SNED1: variants seen among roughly 807,000 people sequenced by gnomAD.
The protein encoded by SNED1 is sushi, nidogen and EGF-like domain-containing protein 1.
In SNED1, 81 loss-of-function variants were observed where a neutral mutation model predicts 166.7. The observed-to-expected ratio is 0.49, with a 90% CI of 0.41 to 0.58. The LOEUF is 0.58. Ranked by LOEUF, SNED1 falls within the 20% of genes least tolerant of loss-of-function variation. SNED1 has a pLI of 0.00. For missense variants in SNED1, 1,604 were observed against 2,000.2 expected, an observed-to-expected ratio of 0.80 and a Z score of 3.78; for synonymous variants, 762 against 822.0, an observed-to-expected ratio of 0.93 and a Z score of 1.25.
intron 24 of SNED1, 140 bp downstream of exon 24, chr2:241,070,341 T>G: frequency 1.1e-6 from 1 of 937,436 alleles, no homozygotes; most frequent in South Asian, 1.7e-5. Context: ...AGGGGAGGAG[T>G]CTGTGTATGA....
At chr2:241,032,505 G>A (rs1403913304) in intron 2 of SNED1, among the ~76,000 whole-genome samples, 1 of 151,532 alleles carries the variant, frequency 6.6e-6, no homozygotes. Flanking sequence ...GGTCGGGGGA[G>A]GGATAGCATT....
intron 29 of SNED1, 41 bp downstream of exon 29, chr2:241,082,405 G>A: frequency 1.2e-5 from 19 of 1,524,042 alleles, no homozygotes; most frequent in Non-Finnish European, 1.4e-5. Context: ...CATTTGTCGT[G>A]TGTTCTTGAC....
chr2:241,077,527 A>G (rs1424348476), intron 27 of SNED1, among the ~76,000 whole-genome samples: 1 of 152,126 alleles, frequency 6.6e-6, no homozygotes, highest in Non-Finnish European at 1.5e-5. Flanking sequence ...CTGATCAGAG[A>G]CCCGCGTCTA....
At position 241,049,863 on chromosome 2, in the gene SNED1, C is replaced by T. The variant is rs528307051; in HGVS notation, c.1665C>T (p.Ser555=). The change falls in exon 12 of 32, where the codon TCC becomes TCT. Residue 555 remains serine (S), a synonymous_variant. Coordinates refer to ENST00000310397, the MANE Select transcript of SNED1 (RefSeq NM_001080437.3). ...CDSDPCFNGG[S]CDAHDDSYTC... ...CGGACCCCTGCTTCAACGGAGGCTC[C>T]TGCGATGCCCATGACGACTCCTACA... 8.1e-5 allele frequency: 130 copies of T among 1,613,894 alleles called. 2 individuals are homozygous for T. In the South Asian group the frequency reaches 1.2e-3, roughly 15 times the overall value.
intron 17 of SNED1, chr2:241,063,290 G>T (rs1575027548): frequency 2.0e-6 from 1 of 504,270 alleles, no homozygotes; most frequent in Admixed American, 3.2e-5. Flanking sequence ...CAGGCTCCAG[G>T]GAGGGCAAGG....
intron 27 of SNED1, chr2:241,074,162 C>G (rs2062892419): frequency 1.3e-5 from 2 of 152,290 alleles, no homozygotes; most frequent in African/African-American, 4.8e-5. Flanking sequence ...AAGGTGTGAG[C>G]TGCTGAGCGT....
At chr2:241,028,507 G>A (rs780872491) in intron 1 of SNED1, among the ~76,000 whole-genome samples, 3 of 152,132 alleles carry the variant, frequency 2.0e-5, no homozygotes, top group Non-Finnish European at 2.9e-5. Flanking sequence ...TTTTGTATGT[G>A]GATGTCCAGT....
Position 241,071,716 on chromosome 2 carries a change from C to G in SNED1, c.3730C>G (p.Pro1244Ala), listed in dbSNP as rs1251753615. 2 of 1,506,816 alleles carry G rather than the reference C, an allele frequency of 1.3e-6. No homozygotes were observed. Among genetic ancestry groups the G allele is most frequent in the East Asian group, 2.5e-5 (1 of 40,260 alleles). 93.3% of individuals were successfully genotyped at this position (1,506,816 alleles called of 1,614,324 possible). A position where few individuals can be genotyped will look rare whatever the true frequency, so the allele number is the denominator to read the frequency against. Reference sequence around the variant, plus strand: ...CGCCCCCGAGACCCCCACCCAGCCCCCCAGGTACATGCCCCACCCATCGGC... The same window carrying G: ...CGCCCCCGAGACCCCCACCCAGCCCGCCAGGTACATGCCCCACCCATCGGC... The part of the protein sequence containing the change: ...HSAPETPTQP[P>A]RFSELVDGRG... The change falls in exon 25 of 32, where the codon CCC (proline) becomes GCC (alanine). Residue 1244 changes from proline (P) to alanine (A), a missense_variant. By Grantham distance (27) the Pro-to-Ala change is conservative. Around this residue, in one of 2 missense-constraint regions of SNED1, gnomAD observed 367 missense variants for 379.4 expected, o/e 0.97. Coordinates refer to ENST00000310397, the MANE Select transcript of SNED1 (RefSeq NM_001080437.3).
chr2:241,084,178 C>A (rs1202000013), intron 29 of SNED1, among the ~76,000 whole-genome samples: 1 of 145,920 alleles, frequency 6.9e-6, no homozygotes, highest in Non-Finnish European at 1.5e-5. Flanking sequence ...CTCTTGTCCC[C>A]CAGGCTGGAG....
At chr2:241,072,814 C>A (rs745514734) in intron 26 of SNED1, 3 of 194,240 alleles carry the variant, frequency 1.5e-5, no homozygotes, top group African/African-American at 2.4e-5. Context: ...GGTTGAGATC[C>A]CTGCATAAGA....
Position 241,067,868 on chromosome 2 carries a change from CG to C in SNED1, c.3116del (p.Arg1039LeufsTer39). On this transcript the variant is annotated frameshift_variant, in exon 22 of 32. Transcript: ENST00000310397. LOFTEE classifies it high-confidence loss of function. Reference sequence around the variant, plus strand: ...CCGCCATGCCACCGTCAGTGGGGTCCGTGTGTCCATCCGCCACCCTGAGGCC... The same window carrying C: ...CCGCCATGCCACCGTCAGTGGGGTCCTGTGTCCATCCGCCACCCTGAGGCC... ...RIRHATVSGV[R>X]VSIRHPEALR... 1 of 1,613,504 alleles carries C rather than the reference CG, an allele frequency of 6.2e-7. No individual in the cohort carries two copies. The highest frequency in any genetic ancestry group is 1.1e-5 in the South Asian group (1 of 91,074).
At position 241,066,919 on chromosome 2, in the gene SNED1, C is replaced by T. The variant is rs573021819; in HGVS notation, c.3011-845C>T. Among the ~76,000 whole-genome samples, 84 of 152,318 alleles carry T rather than the reference C, an allele frequency of 5.5e-4. 1 individual carries two copies. Among genetic ancestry groups the T allele is most frequent in the African/African-American group, 2.0e-3 (83 of 41,576 alleles). On this transcript the variant is annotated intron_variant, in intron 21 of 31. Coordinates refer to ENST00000310397, the MANE Select transcript of SNED1 (RefSeq NM_001080437.3). ...AGTTGACCACCAAGGGGCTGGAGTT[C>T]CCAACACAGCAAGGACACAGAGCAC...
Position 241,092,261 on chromosome 2 carries a change from C to CT in SNED1, c.*631dup, listed in dbSNP as rs1278414524. On this transcript the variant is annotated 3_prime_UTR_variant, in exon 32 of 32. Coordinates refer to ENST00000310397, the MANE Select transcript of SNED1 (RefSeq NM_001080437.3). This position sits in a 1 kb window ranked among gnomAD's most constrained non-coding sequence, Gnocchi z 4.6. ...AGTTAACACTAAGGTGGAGTTCAGA[C>CT]TTTTTTAGACAACGGCGCGACTGGC... is the stretch of plus-strand genomic sequence containing the variant. The CT allele has an allele frequency of 2.0e-5, 3 of 152,192 alleles. No homozygotes were observed. The highest frequency in any genetic ancestry group is 4.4e-5 in the Non-Finnish European group (3 of 68,060). The allele number at this position is 152,192 out of a possible 1,614,324, so 9.4% of individuals were successfully genotyped here. A position where few individuals can be genotyped will look rare whatever the true frequency, so the allele number is the denominator to read the frequency against.
chr2:241,043,356 C>T (rs1425424658), intron 8 of SNED1, among the ~76,000 whole-genome samples: 3 of 152,150 alleles, frequency 2.0e-5, no homozygotes, highest in Non-Finnish European at 1.5e-5. Flanking sequence ...TGGAGTAACA[C>T]CTTCAAAGCA....
intron 17 of SNED1, among the ~76,000 whole-genome samples, 163 bp downstream of exon 17, chr2:241,063,067 A>G (rs1216647571): frequency 2.6e-5 from 4 of 152,218 alleles, no homozygotes; most frequent in Non-Finnish European, 5.9e-5. Flanking sequence ...AAGATTTTAC[A>G]AATATCCCTT....
chr2:241,065,240 G>A (rs944201833), intron 20 of SNED1, 59 bp from the exon 21 acceptor site: 25 of 1,574,234 alleles, frequency 1.6e-5, no homozygotes, highest in Admixed American at 3.4e-5. Flanking sequence ...ACGGGAGCCA[G>A]GCATGCATAG....
chr2:241,055,202 A>T (rs2062008065), intron 16 of SNED1, among the ~76,000 whole-genome samples: 1 of 152,202 alleles, frequency 6.6e-6, no homozygotes, highest in South Asian at 2.1e-4. Flanking sequence ...AAGAAGAGAA[A>T]ATGAAAATGT....
chr2:241,071,762 T>G (rs773280094), intron 25 of SNED1, 34 bp from the exon 26 acceptor site: 24 of 1,444,328 alleles, frequency 1.7e-5, no homozygotes. Context: ...GAGGCGGCGC[T>G]CGGACTGTGG....
chr2:241,050,335 C>T (rs2061799233), intron 12 of SNED1, among the ~76,000 whole-genome samples: 1 of 152,166 alleles, frequency 6.6e-6, no homozygotes, highest in African/African-American at 2.4e-5. Flanking sequence ...TCTGTAAGCA[C>T]ACTGCAGGCG....
Sources: gnomAD v4.1 joint callset for allele counts (sites outside exome capture counted in the v4.1 genomes callset) on GRCh38, gnomAD v4.1.1 for gene constraint, gnomAD v4.1.1 regional missense constraint, Gnocchi (gnomAD v3.1) non-coding constraint, MANE v1.5 for transcripts, NCBI Gene and HGNC (gene_info 2026-07-23, HGNC 2026-07-21) for gene names.